CIB1: variants seen among roughly 807,000 people sequenced by gnomAD.
The protein encoded by CIB1 is calcium and integrin binding 1.
CIB1 carries 19 observed loss-of-function variants against 25.0 expected under a neutral mutation model. The ratio of observed to expected loss-of-function variants is 0.76; its 90% confidence interval spans 0.53 to 1.12. CIB1 has a LOEUF of 1.12. CIB1 is among the 50% of genes most tolerant of loss of function. CIB1 has a pLI of 0.00. For missense variants in CIB1, 236 were observed against 242.6 expected (o/e 0.97, Z 0.18); for synonymous variants, 104 against 98.5 (o/e 1.06, Z -0.33).
At chr15:90,255,932 G>A in the CIB1 span, 1 of 1,613,046 alleles carries the variant, frequency 6.2e-7, no homozygotes. Context: ...GGGAGGAAAA[G>A]GGTCGCTCTC....
At chr15:90,251,103 T>A in the CIB1 span, among the ~76,000 whole-genome samples, 2 of 139,540 alleles carry the variant, frequency 1.4e-5, no homozygotes, top group Non-Finnish European at 3.1e-5. Flanking sequence ...GTTTATGTCA[T>A]CCTGGTCTGT....
the CIB1 span, chr15:90,240,853 G>C: frequency 1.8e-6 from 2 of 1,134,124 alleles, no homozygotes; most frequent in Admixed American, 4.1e-5. Context: ...GACAATCTCT[G>C]GAGGTGGGTT....
At chr15:90,241,631 A>T in the CIB1 span, 1 of 1,614,134 alleles carries the variant, frequency 6.2e-7, no homozygotes, top group Non-Finnish European at 8.5e-7. Context: ...TGGACCCTGG[A>T]GGCCATTTGC....
At chr15:90,249,738 G>C in the CIB1 span, 1 of 152,198 alleles carries the variant, frequency 6.6e-6, no homozygotes, top group Non-Finnish European at 1.5e-5. Flanking sequence ...GGACATGAGC[G>C]GCCAGCTGAG....
the CIB1 span, chr15:90,255,913 G>A: frequency 1.9e-6 from 3 of 1,613,884 alleles, no homozygotes; most frequent in Admixed American, 5.0e-5. Context: ...CCCATGCTGA[G>A]ATACCAGGGG....
chr15:90,242,080 A>G, the CIB1 span: 1 of 1,577,322 alleles, frequency 6.3e-7, no homozygotes, highest in Non-Finnish European at 8.6e-7. Context: ...TTCTGGATGT[A>G]TTTATGTTCT....
chr15:90,253,640 C>T, the CIB1 span, among the ~76,000 whole-genome samples: 1 of 152,134 alleles, frequency 6.6e-6, no homozygotes, highest in Admixed American at 6.6e-5. Flanking sequence ...TGGCCCTCTC[C>T]AGGGTGGGTG....
Position 90,230,408 on chromosome 15 carries a change from C to A in CIB1, c.*76G>T. The stretch of plus-strand genomic sequence containing the variant: ...GCCAGCTTGGCCCGCACTGGCAACA[C>A]AGGCTTGACCTTGGCCACAGCTCAG... On this transcript the variant is annotated 3_prime_UTR_variant, in exon 7 of 7. Transcript: ENST00000328649. 2.0e-6 allele frequency: 3 copies of A among 1,528,446 alleles called. No individual in the cohort carries two copies. Among genetic ancestry groups the A allele is most frequent in the Non-Finnish European group, 1.8e-6 (2 of 1,127,902 alleles). 94.7% of individuals were successfully genotyped at this position (1,528,446 alleles called of 1,614,324 possible). A position where few individuals can be genotyped will look rare whatever the true frequency, so the allele number is the denominator to read the frequency against.
chr15:90,235,790 G>C (rs78957421), upstream of CIB1, among the ~76,000 whole-genome samples: 9,797 of 151,964 alleles, frequency 0.064, 839 homozygotes, highest in East Asian at 0.38. Context: ...GGATGGTCTG[G>C]ATCTCCTGAC....
At chr15:90,234,028 G>C, upstream of CIB1, 1 of 977,540 alleles carries the variant, frequency 1.0e-6, no homozygotes, top group South Asian at 1.9e-5. Flanking sequence ...CCTCCTAAAA[G>C]CTGCCAGGCG....
the CIB1 span, chr15:90,241,875 A>G: frequency 2.5e-6 from 4 of 1,614,130 alleles, no homozygotes; most frequent in Non-Finnish European, 3.4e-6. Context: ...CTTTGGGATA[A>G]AGGACGGTGA....
the CIB1 span, chr15:90,264,720 A>G: frequency 4.6e-6 from 7 of 1,535,916 alleles, no homozygotes; most frequent in South Asian, 8.3e-5. Flanking sequence ...TCCACTGCAG[A>G]AGGACAAGCC....
chr15:90,250,747 T>C, the CIB1 span: 1 of 1,614,068 alleles, frequency 6.2e-7, no homozygotes, highest in East Asian at 2.2e-5. Context: ...CACAGCAGGC[T>C]CTCTTAAAAG....
the CIB1 span, chr15:90,245,472 C>CAAAAAAAAAA: frequency 8.1e-6 from 1 of 122,770 alleles, no homozygotes; most frequent in African/African-American, 2.9e-5. Flanking sequence ...GACTTTGTCT[C>CAAAAAAAAAA]AAAAAAAAAA....
chr15:90,254,232 C>T, the CIB1 span, among the ~76,000 whole-genome samples: 3 of 148,202 alleles, frequency 2.0e-5, no homozygotes, highest in South Asian at 2.1e-4. Context: ...CAGTGGCTCA[C>T]GCCTGTAATC....
chr15:90,251,544 T>A, the CIB1 span: 1 of 1,613,712 alleles, frequency 6.2e-7, no homozygotes, highest in Non-Finnish European at 8.5e-7. Flanking sequence ...ATGCTATTCC[T>A]CCATTCCAGA....
the CIB1 span, chr15:90,255,940 C>T: frequency 6.2e-7 from 1 of 1,612,168 alleles, no homozygotes; most frequent in South Asian, 1.1e-5. Flanking sequence ...AAGGGTCGCT[C>T]TCAGAGCTCT....
the CIB1 span, chr15:90,241,282 A>C: frequency 4.3e-6 from 7 of 1,614,140 alleles, no homozygotes; most frequent in Middle Eastern, 1.6e-4. Context: ...GTACAGTTCA[A>C]CTTCAACAAG....
chr15:90,251,639 G>A, the CIB1 span: 4 of 1,595,826 alleles, frequency 2.5e-6, no homozygotes, highest in Non-Finnish European at 3.4e-6. Context: ...ATAACATGGT[G>A]CCTACAGCTG....
Sources: allele counts gnomAD v4.1 joint callset (sites outside exome capture counted in the v4.1 genomes callset), GRCh38; gene constraint gnomAD v4.1.1; transcripts MANE v1.5; gene names NCBI Gene and HGNC (gene_info 2026-07-23, HGNC 2026-07-21).